The following TESMIN variants were observed in gnomAD, a reference collection of about 807,000 sequenced individuals.
TESMIN encodes CXC domain containing 2.
In TESMIN, 34 loss-of-function variants were observed where a neutral mutation model predicts 47.4. The observed-to-expected ratio is 0.72, with a 90% CI of 0.55 to 0.96. The LOEUF (loss-of-function observed/expected upper bound fraction) is 0.96. Ranked by LOEUF, TESMIN falls within the 40% of genes least tolerant of loss-of-function variation. The probability of loss-of-function intolerance (pLI) is 0.00; values close to 1 mark genes in which losing one functional copy is unlikely to be tolerated. For missense variants in TESMIN, 610 were observed against 637.2 expected, an observed-to-expected ratio of 0.96 and a Z score of 0.46; for synonymous variants, 278 against 258.9, an observed-to-expected ratio of 1.07 and a Z score of -0.71.
chr11:68,726,616 A>G (rs1406138457), intron 6 of TESMIN, among the ~76,000 whole-genome samples: 2 of 152,246 alleles, frequency 1.3e-5, no homozygotes, highest in Non-Finnish European at 2.9e-5. Flanking sequence ...AATTTAAAAT[A>G]AGAAATCAAA....
chr11:68,733,966 A>G (rs1946358366), intron 6 of TESMIN, among the ~76,000 whole-genome samples: 3 of 152,034 alleles, frequency 2.0e-5, no homozygotes, highest in Non-Finnish European at 2.9e-5. Context: ...AAGGCTCTTC[A>G]CCCTTCCCAA....
chr11:68,735,828 A>G (rs1946380990), intron 6 of TESMIN, among the ~76,000 whole-genome samples: 1 of 152,252 alleles, frequency 6.6e-6, no homozygotes, highest in South Asian at 2.1e-4. Context: ...CTTGACATCA[A>G]CTTTTAAGGC....
At chr11:68,734,633 G>T (rs996913203) in intron 6 of TESMIN, among the ~76,000 whole-genome samples, 2 of 152,184 alleles carry the variant, frequency 1.3e-5, no homozygotes, top group African/African-American at 4.8e-5. Flanking sequence ...ATGTACACAG[G>T]CCTCATCTCT....
chr11:68,730,817 T>A (rs1946318721), intron 6 of TESMIN, among the ~76,000 whole-genome samples: 1 of 151,512 alleles, frequency 6.6e-6, no homozygotes. Flanking sequence ...AAAAAAAATT[T>A]AAAATCCATC....
At chr11:68,713,479 A>T (rs1281502119) in intron 7 of TESMIN, 72 bp from the exon 8 acceptor site, 1 of 1,530,714 alleles carries the variant, frequency 6.5e-7, no homozygotes, top group East Asian at 2.3e-5. Flanking sequence ...AGGGCATCTC[A>T]TTTGAATCTG....
chr11:68,738,729 A>T lies in TESMIN; in HGVS notation c.888T>A (p.Leu296=), dbSNP rs771392091. ...NGSAFPSGST[L]PGPPKITLAG... is the part of the protein sequence containing the mutation. ...CCAAAGTTATTTTTGGTGGTCCTGGAAGAGTTGATCCCGAGGGGAAAGCAG... is the reference window on the plus strand; with the variant it reads ...CCAAAGTTATTTTTGGTGGTCCTGGTAGAGTTGATCCCGAGGGGAAAGCAG... Residue 296 remains leucine, a synonymous_variant, in exon 6 of 10, where the codon CTT becomes CTA. Transcript: ENST00000255087. 1.3e-5 allele frequency: 21 copies of T among 1,614,040 alleles called. No individual in the cohort carries two copies. Among genetic ancestry groups the T allele is most frequent in the Non-Finnish European group, 1.8e-5 (21 of 1,179,982 alleles).
At chr11:68,711,498 C>A (rs1258788572) in intron 8 of TESMIN, among the ~76,000 whole-genome samples, 3 of 151,876 alleles carry the variant, frequency 2.0e-5, no homozygotes, top group Non-Finnish European at 4.4e-5. Flanking sequence ...TGTGGAGATG[C>A]CATAGTCCTG....
At chr11:68,740,905 C>T (rs1455993417) in intron 5 of TESMIN, among the ~76,000 whole-genome samples, 3 of 152,102 alleles carry the variant, frequency 2.0e-5, no homozygotes, top group Non-Finnish European at 4.4e-5. Context: ...AACTCCTGGA[C>T]GCCTTTGAAA....
chr11:68,744,194 C>A (rs971610201), intron 4 of TESMIN, among the ~76,000 whole-genome samples: 1 of 152,170 alleles, frequency 6.6e-6, no homozygotes, highest in African/African-American at 2.4e-5. Context: ...ACTTCAAAGG[C>A]CAGTGAAACT....
At chr11:68,744,452 A>T (rs1946494526) in intron 4 of TESMIN, among the ~76,000 whole-genome samples, 5 of 152,220 alleles carry the variant, frequency 3.3e-5, no homozygotes, top group Admixed American at 3.3e-4. Flanking sequence ...ATTTCTTATT[A>T]TTGTGCCAGG....
At chr11:68,726,043 C>T (rs900771613) in intron 6 of TESMIN, among the ~76,000 whole-genome samples, 1 of 152,120 alleles carries the variant, frequency 6.6e-6, no homozygotes, top group Non-Finnish European at 1.5e-5. Flanking sequence ...GGAACTATGG[C>T]AACCCTAACT....
At position 68,717,988 on chromosome 11, in the gene TESMIN, A is replaced by T. The variant is rs145120145; in HGVS notation, c.918-2049T>A. Among the ~76,000 whole-genome samples the T allele has an allele frequency of 4.6e-5, 7 of 152,314 alleles. No homozygotes were observed. In the East Asian group the frequency reaches 1.2e-3, roughly 25 times the overall value. On this transcript the variant is annotated intron_variant, in intron 6 of 9. Transcript: ENST00000255087. ...GACTCTGACCAGCCCAGGAGAAAAT[A>T]TCTAGAATTTGACATTGAGCTTTCC...
At chr11:68,738,336 A>G in intron 6 of TESMIN, 1 of 1,019,534 alleles carries the variant, frequency 9.8e-7, no homozygotes, top group Non-Finnish European at 1.2e-6. Context: ...CATGGCTGCC[A>G]CACCATTATT....
intron 6 of TESMIN, among the ~76,000 whole-genome samples, chr11:68,735,735 G>A (rs79777199): frequency 5.9e-5 from 9 of 152,360 alleles, no homozygotes; most frequent in Middle Eastern, 3.4e-3. Flanking sequence ...TACACCGACT[G>A]TAAACACTGC....
At chr11:68,744,603 A>G (rs1946495772) in intron 4 of TESMIN, among the ~76,000 whole-genome samples, 1 of 152,246 alleles carries the variant, frequency 6.6e-6, no homozygotes, top group Non-Finnish European at 1.5e-5. Flanking sequence ...ATTAAAATGT[A>G]GGTGTTTACA....
intron 3 of TESMIN, among the ~76,000 whole-genome samples, 189 bp from the exon 4 acceptor site, chr11:68,745,300 C>CAAAAAAAAAAAAAAAAAAAAAAAAAAAAA (rs71993839): frequency 1.4e-5 from 1 of 72,484 alleles, no homozygotes. Context: ...CACCAAAGGG[C>CAAAAAAAAAAAAAAAAAAAAAAAAAAAAA]AAAAAAAAAA....
chr11:68,750,419 G>C lies in TESMIN; in HGVS notation c.242C>G (p.Ala81Gly). The C allele has an allele frequency of 6.5e-7, 1 of 1,542,700 alleles. No homozygotes were observed. Among genetic ancestry groups the C allele is most frequent in the Non-Finnish European group, 8.8e-7 (1 of 1,141,712 alleles). Residue 81 changes from alanine (A) to glycine (G), a missense_variant, in exon 2 of 10, where the codon GCG (alanine) becomes GGG (glycine). Ala to Gly is a moderately conservative substitution (Grantham distance 60). Coordinates refer to ENST00000255087, the MANE Select transcript of TESMIN (RefSeq NM_004923.3). ...GTCGCTGTCGCCCCCCGCGAGCTTC[G>C]CCTTGACCTGGCCCTTGCAGTCGGC... ...LGADCKGQVK[A>G]KLAGGDSDGG... is the part of the protein sequence containing the mutation.
At position 68,707,740 on chromosome 11, in the gene TESMIN, C is replaced by T. The variant is rs973408288; in HGVS notation, c.*568G>A. 1 of 441,676 alleles carries T rather than the reference C, an allele frequency of 2.3e-6. No homozygotes were observed. The highest frequency in any genetic ancestry group is 2.0e-5 in the African/African-American group (1 of 49,692). 27.4% of individuals were successfully genotyped at this position (441,676 alleles called of 1,614,324 possible). On this transcript the variant is annotated 3_prime_UTR_variant, in exon 10 of 10. Coordinates refer to ENST00000255087, the MANE Select transcript of TESMIN (RefSeq NM_004923.3). ...CGTCTCCCGGGGGCCTTAGGAAAGA[C>T]TGACAGTTCGCGTGCCTCTGGGGAA...
chr11:68,721,184 T>C (rs150291183), intron 6 of TESMIN, among the ~76,000 whole-genome samples: 6 of 152,372 alleles, frequency 3.9e-5, no homozygotes, highest in Admixed American at 3.3e-4. Flanking sequence ...CACTTTATAC[T>C]GAGCATGTAG....
Sources: allele counts gnomAD v4.1 joint callset (sites outside exome capture counted in the v4.1 genomes callset), GRCh38; gene constraint gnomAD v4.1.1; transcripts MANE v1.5; gene names NCBI Gene and HGNC (gene_info 2026-07-23, HGNC 2026-07-21).